NPC1: variants seen among roughly 807,000 people sequenced by gnomAD.
The protein encoded by NPC1 is NPC intracellular cholesterol transporter 1.
In NPC1, 85 loss-of-function variants were observed where a neutral mutation model predicts 140.4. That is an observed-to-expected ratio of 0.61 (90% CI 0.51 to 0.72). The LOEUF (loss-of-function observed/expected upper bound fraction) is 0.72. Ranked by LOEUF, NPC1 falls within the 30% of genes least tolerant of loss-of-function variation. NPC1 has a pLI of 0.00. For synonymous variants in NPC1, 656 were observed against 624.8 expected (o/e 1.05, Z -0.74); for missense variants, 1,504 against 1,623.8 (o/e 0.93, Z 1.27).
chr18:23,541,237 T>C, intron 15 of NPC1, 29 bp from the exon 16 acceptor site: 1 of 1,614,148 alleles, frequency 6.2e-7, no homozygotes, highest in Non-Finnish European at 8.5e-7. Context: ...ACAAAGGTTA[T>C]ACCCGCTAGC....
intron 3 of NPC1, among the ~76,000 whole-genome samples, chr18:23,570,963 G>A (rs1334720275): frequency 6.6e-6 from 1 of 152,168 alleles, no homozygotes; most frequent in African/African-American, 2.4e-5. Flanking sequence ...CAAAGCATGG[G>A]GGGAGAGGAA....
At chr18:23,572,211 T>A in intron 2 of NPC1, 31 bp from the exon 3 acceptor site, 1 of 1,462,898 alleles carries the variant, frequency 6.8e-7, no homozygotes, top group Non-Finnish European at 9.6e-7. Flanking sequence ...GACACGGGAG[T>A]AGGCAACAGT....
chr18:23,543,409 C>T, intron 14 of NPC1, 46 bp downstream of exon 14: 5 of 1,090,978 alleles, frequency 4.6e-6, no homozygotes, highest in Non-Finnish European at 7.1e-6. Flanking sequence ...CTTCTTTCTC[C>T]AGGCTCAGCA....
At chr18:23,532,872 A>G (rs888056712) in intron 24 of NPC1, 1 of 985,222 alleles carries the variant, frequency 1.0e-6, no homozygotes, top group African/African-American at 1.7e-5. Context: ...ACCGTGGGTC[A>G]TTTTTGTGCA....
At chr18:23,550,479 C>CATTTTTTTT (rs2058853254) in intron 10 of NPC1, among the ~76,000 whole-genome samples, 1 of 74,922 alleles carries the variant, frequency 1.3e-5, no homozygotes, top group Non-Finnish European at 2.2e-5. Flanking sequence ...TCTTACATTT[C>CATTTTTTTT]TTTTTTTTTT....
intron 1 of NPC1, among the ~76,000 whole-genome samples, chr18:23,580,670 C>T (rs760842182): frequency 3.3e-5 from 5 of 152,136 alleles, no homozygotes; most frequent in Non-Finnish European, 7.3e-5. Context: ...TCCAGTGAGG[C>T]GATGGAGGAG....
chr18:23,522,762 G>C (rs1452103115), exon 2 of NPC1: 1 of 152,398 alleles, frequency 6.6e-6, no homozygotes, highest in African/African-American at 2.4e-5. Flanking sequence ...TGGGGATCTA[G>C]GTAGTGTGGG....
intron 7 of NPC1, 127 bp from the exon 8 acceptor site, chr18:23,556,740 AC>A: frequency 7.1e-7 from 1 of 1,412,614 alleles, no homozygotes. Context: ...CACATATGAG[AC>A]CCCTGCCCTC....
intron 3 of NPC1, among the ~76,000 whole-genome samples, chr18:23,515,226 G>A (rs539875834): frequency 6.6e-6 from 1 of 152,308 alleles, no homozygotes; most frequent in East Asian, 1.9e-4. Context: ...GGCATGTGGA[G>A]GCACAGATAA....
At chr18:23,555,303 G>A (rs985537573) in intron 8 of NPC1, among the ~76,000 whole-genome samples, 1 of 152,262 alleles carries the variant, frequency 6.6e-6, no homozygotes, top group African/African-American at 2.4e-5. Context: ...CAGGCCAGAG[G>A]GGAGAGTGGA....
In NPC1 at chr18:23,544,952, C is replaced by CA. The variant is rs1555634618; in HGVS notation, c.1947+7_1947+8insT. ...CTCTAGAACATACACCACCCCCCCC[C>CA]GGCTTACCAGAAGCCTGCGACAGCT... On this transcript the variant is annotated splice_region_variant and intron_variant, in intron 12 of 24. Transcript: ENST00000269228. 1 of 1,430,728 alleles carries CA rather than the reference C, an allele frequency of 7.0e-7. No individual in the cohort carries two copies. Among genetic ancestry groups the CA allele is most frequent in the Non-Finnish European group, 9.8e-7 (1 of 1,025,420 alleles). 88.6% of individuals were successfully genotyped at this position (1,430,728 alleles called of 1,614,324 possible).
At chr18:23,507,604 G>A (rs1685619562) in intron 3 of NPC1, among the ~76,000 whole-genome samples, 1 of 152,156 alleles carries the variant, frequency 6.6e-6, no homozygotes, top group South Asian at 2.1e-4. Context: ...TAGAGTAGAG[G>A]GAAGGCTGTT....
At chr18:23,527,223 C>CG, downstream of NPC1, among the ~76,000 whole-genome samples, 1 of 43,650 alleles carries the variant, frequency 2.3e-5, no homozygotes, top group African/African-American at 6.5e-5. Context: ...CCTGTCTCTA[C>CG]AAAAAAAAAA....
At chr18:23,521,999 T>C (rs1290098966), downstream of NPC1, among the ~76,000 whole-genome samples, 1 of 152,246 alleles carries the variant, frequency 6.6e-6, no homozygotes, top group Non-Finnish European at 1.5e-5. Context: ...GTTTTATTCT[T>C]TGTCCGATGG....
intron 9 of NPC1, among the ~76,000 whole-genome samples, chr18:23,554,538 G>A (rs868684873): frequency 4.6e-5 from 7 of 151,826 alleles, no homozygotes; most frequent in African/African-American, 1.5e-4. Context: ...CTTGGGAGCC[G>A]GAGGTTACAG....
rs1270181468 is a variant in NPC1 at position 23,540,453 on chromosome 18, G to A, written c.2599C>T (p.Pro867Ser). ...AAAAAAGGAAGTCATCTTACATCTG[G>A]CATCGAAAGAGACTGATCCAATCCA... ...DIGLDQSLSM[P>S]DDSYMVDYFK... The change falls in exon 17 of 25, where the codon CCA becomes TCA. Residue 867 changes from proline to serine, a missense_variant. Transcript: ENST00000269228. The A allele has an allele frequency of 1.3e-6, 2 of 1,586,748 alleles. No individual in the cohort carries two copies. Among genetic ancestry groups the A allele is most frequent in the Non-Finnish European group, 1.7e-6 (2 of 1,157,152 alleles).
chr18:23,529,362 C>T (rs554289291), downstream of NPC1: 29 of 1,556,512 alleles, frequency 1.9e-5, no homozygotes, highest in Middle Eastern at 3.8e-4. Flanking sequence ...TTGCTGAAAA[C>T]GAGGAGACTT....
At chr18:23,516,308 C>T (rs757954049) in intron 3 of NPC1, 15 of 1,613,262 alleles carry the variant, frequency 9.3e-6, no homozygotes, top group Non-Finnish European at 1.2e-5. Flanking sequence ...AAAACATTTT[C>T]CCCCTAAACA....
chr18:23,554,781 G>A lies in NPC1; in HGVS notation c.1530C>T (p.His510=), dbSNP rs1170655145. Residue 510 remains histidine, a synonymous_variant, in exon 9 of 25, where the codon CAC becomes CAT. Coordinates refer to ENST00000269228, the MANE Select transcript of NPC1 (RefSeq NM_000271.5). ...GDDFFVYADY[H]THFLYCVRAP... ...ACCGTACGCAGTACAGAAAGTGCGT[G>A]TGGTAATCGGCATACACAAAGAAGT... 1 of 1,613,698 alleles carries A rather than the reference G, an allele frequency of 6.2e-7. No individual in the cohort carries two copies. The highest frequency in any genetic ancestry group is 8.5e-7 in the Non-Finnish European group (1 of 1,179,702).
Sources: allele counts gnomAD v4.1 joint callset (sites outside exome capture counted in the v4.1 genomes callset), GRCh38; gene constraint gnomAD v4.1.1; transcripts MANE v1.5; gene names NCBI Gene and HGNC (gene_info 2026-07-23, HGNC 2026-07-21).